The following SMIM7 variants were observed in gnomAD, a reference collection of about 807,000 sequenced individuals.
SMIM7 encodes UPF0608 protein C19orf42.
A neutral mutation model predicts 13.3 loss-of-function variants in SMIM7; 12 were observed. The ratio of observed to expected loss-of-function variants is 0.90; its 90% CI spans 0.58 to 1.46. SMIM7 has a LOEUF of 1.46. SMIM7 is among the 40% of genes most tolerant of loss of function. The pLI is 0.00. For missense variants in SMIM7, 114 were observed against 94.8 expected (o/e 1.20, Z -0.84); for synonymous variants, 36 against 35.8 (o/e 1.01, Z -0.02).
At position 16,660,086 on chromosome 19, in the gene SMIM7, C is replaced by G; in HGVS notation, c.25G>C (p.Gly9Arg). The G allele has an allele frequency of 6.2e-7, 1 of 1,614,228 alleles. No individual in the cohort carries two copies. Among genetic ancestry groups the G allele is most frequent in the African/African-American group, 1.3e-5 (1 of 75,082 alleles). ...CCAGCCTCTGGTCCCCCTAATTACC[C>G]GAACAGCAGGATGTCTCCGATCATC... MIGDILLF[G>R]TLLMNAGAVL... is the part of the protein sequence containing the mutation. Residue 9 changes from glycine (G) to arginine (R), a missense_variant and splice_region_variant, in exon 1 of 5, where the codon GGG (glycine) becomes CGG (arginine). By Grantham distance (125) the Gly-to-Arg change is moderately radical. Transcript: ENST00000487416.
chr19:16,632,585 T>C (rs2086329908), intron 4 of SMIM7, among the ~76,000 whole-genome samples: 1 of 149,874 alleles, frequency 6.7e-6, no homozygotes, highest in South Asian at 2.1e-4. Flanking sequence ...TTGCCCAGGC[T>C]GGAGTGAAAT....
chr19:16,643,883 C>G (rs1568299954), downstream of SMIM7: 1 of 152,152 alleles, frequency 6.6e-6, no homozygotes. Flanking sequence ...AAATATAATC[C>G]AAGTCCAGCA....
At chr19:16,638,142 C>A (rs2086373881) in intron 4 of SMIM7, among the ~76,000 whole-genome samples, 1 of 151,728 alleles carries the variant, frequency 6.6e-6, no homozygotes, top group Non-Finnish European at 1.5e-5. Flanking sequence ...TGGTACGCAC[C>A]TGTAATCTCA....
At chr19:16,644,909 T>G (rs1223521533), downstream of SMIM7, 1 of 152,222 alleles carries the variant, frequency 6.6e-6, no homozygotes, top group Non-Finnish European at 1.5e-5. Context: ...CACACACTAC[T>G]TGCAGGCCGA....
intron 4 of SMIM7, among the ~76,000 whole-genome samples, chr19:16,633,194 C>T (rs146881831): frequency 2.3e-3 from 349 of 152,106 alleles, no homozygotes; most frequent in South Asian, 4.0e-3. Context: ...CGGTGGCTCA[C>T]GCCTGTAATC....
intron 4 of SMIM7, among the ~76,000 whole-genome samples, chr19:16,637,912 C>A (rs2086371969): frequency 1.3e-5 from 2 of 152,012 alleles, no homozygotes; most frequent in African/African-American, 4.8e-5. Context: ...GGAGACAGGG[C>A]CTTTGGGAGG....
At chr19:16,645,729 T>G (rs2086442754), downstream of SMIM7, 2 of 149,036 alleles carry the variant, frequency 1.3e-5, no homozygotes, top group Non-Finnish European at 3.0e-5. Flanking sequence ...TGGCTCAATC[T>G]CAGCTCACTG....
chr19:16,639,401 C>A (rs1291428429), intron 4 of SMIM7, among the ~76,000 whole-genome samples: 1 of 152,120 alleles, frequency 6.6e-6, no homozygotes, highest in Non-Finnish European at 1.5e-5. Context: ...GGATTACAGG[C>A]GTGAGCCACT....
chr19:16,635,899 A>AAAAATATATAT (rs1200181092), intron 4 of SMIM7, among the ~76,000 whole-genome samples: 1 of 109,600 alleles, frequency 9.1e-6, no homozygotes, highest in African/African-American at 4.3e-5. Flanking sequence ...AAAAAAAAAA[A>AAAAATATATAT]ATATATATAT....
At chr19:16,635,883 CAAA>C (rs1207972448) in intron 4 of SMIM7, among the ~76,000 whole-genome samples, 9 of 80,516 alleles carry the variant, frequency 1.1e-4, no homozygotes, top group African/African-American at 5.6e-4. Context: ...GACCCTGTCT[CAAA>C]AAAAAAAAAA....
At chr19:16,644,623 G>C (rs141683263), downstream of SMIM7, 1 of 152,294 alleles carries the variant, frequency 6.6e-6, no homozygotes, top group Non-Finnish European at 1.5e-5. Flanking sequence ...ATTTTTAGTA[G>C]AGACGGGGTT....
chr19:16,632,659 G>C (rs1176548323), intron 4 of SMIM7, among the ~76,000 whole-genome samples: 1 of 151,282 alleles, frequency 6.6e-6, no homozygotes, highest in Non-Finnish European at 1.5e-5. Flanking sequence ...AGCCTCCTGA[G>C]TAGCTGGAAT....
chr19:16,644,314 G>A (rs963546147), downstream of SMIM7, among the ~76,000 whole-genome samples: 2 of 151,680 alleles, frequency 1.3e-5, no homozygotes, highest in Admixed American at 6.6e-5. Context: ...TAGAGACGGG[G>A]TTTTGTCATG....
At chr19:16,652,672 G>C (rs560744435) in intron 4 of SMIM7, 9 of 1,398,874 alleles carry the variant, frequency 6.4e-6, no homozygotes, top group Non-Finnish European at 8.3e-6. Flanking sequence ...ATCCTCCCCA[G>C]ATCTCCTATG....
At chr19:16,635,899 A>AAAAAAAATATATATATAT (rs1200181092) in intron 4 of SMIM7, among the ~76,000 whole-genome samples, 2 of 109,582 alleles carry the variant, frequency 1.8e-5, no homozygotes, top group African/African-American at 8.6e-5. Context: ...AAAAAAAAAA[A>AAAAAAAATATATATATAT]ATATATATAT....
chr19:16,635,883 CAAAA>C (rs1207972448), intron 4 of SMIM7, among the ~76,000 whole-genome samples: 1 of 80,524 alleles, frequency 1.2e-5, no homozygotes, highest in Non-Finnish European at 2.3e-5. Context: ...GACCCTGTCT[CAAAA>C]AAAAAAAAAA....
In SMIM7 at chr19:16,659,174, T is replaced by C. The variant is rs1299450646; in HGVS notation, c.121+221A>G. The C allele has an allele frequency of 8.3e-6, 5 of 604,398 alleles. No individual in the cohort carries two copies. The Admixed American group carries it at 1.4e-4, about 18-fold the overall frequency. 37.4% of individuals were successfully genotyped at this position (604,398 alleles called of 1,614,324 possible). A position where few individuals can be genotyped will look rare whatever the true frequency, so the allele number is the denominator to read the frequency against. ...GGCACACACCTGTAATCCCAGCTACTAAGGGGGCTGAGGTGGAAGGATCAC... is the reference window on the plus strand; with the variant it reads ...GGCACACACCTGTAATCCCAGCTACCAAGGGGGCTGAGGTGGAAGGATCAC... On this transcript the variant is annotated intron_variant, in intron 3 of 4. Coordinates refer to ENST00000487416, the MANE Select transcript of SMIM7 (RefSeq NM_024104.4).
At chr19:16,660,037 C>T in intron 1 of SMIM7, 37 bp from the exon 2 acceptor site, 3 of 1,614,132 alleles carry the variant, frequency 1.9e-6, no homozygotes, top group Middle Eastern at 1.6e-4. Context: ...GGGGCGCCCC[C>T]GCGTCCTGCC....
chr19:16,659,606 C>T, intron 2 of SMIM7, 159 bp from the exon 3 acceptor site: 1 of 743,114 alleles, frequency 1.3e-6, no homozygotes, highest in South Asian at 1.7e-5. Context: ...TCTGGGCCCC[C>T]ACTGCCCGGA....
Sources: gnomAD v4.1 joint callset for allele counts (sites outside exome capture counted in the v4.1 genomes callset) on GRCh38, gnomAD v4.1.1 for gene constraint, MANE v1.5 for transcripts, NCBI Gene and HGNC (gene_info 2026-07-23, HGNC 2026-07-21) for gene names.